The following TXNDC16 variants were observed in gnomAD, a reference collection of about 807,000 sequenced individuals.
TXNDC16 encodes the protein thioredoxin domain-containing protein 16.
A neutral mutation model predicts 85.6 loss-of-function variants in TXNDC16; 74 were observed. The ratio of observed to expected loss-of-function variants is 0.86; its 90% CI spans 0.72 to 1.05. The LOEUF (loss-of-function observed/expected upper bound fraction) is 1.05. Ranked by LOEUF, TXNDC16 falls within the 50% of genes least tolerant of loss-of-function variation. The pLI, the probability that TXNDC16 is intolerant of heterozygous loss-of-function variation, is 0.00. For synonymous variants in TXNDC16, 335 were observed against 326.5 expected, an observed-to-expected ratio of 1.03 and a Z score of -0.28; for missense variants, 959 against 947.0, an observed-to-expected ratio of 1.01 and a Z score of -0.17.
At chr14:52,495,321 C>A (rs995442905) in intron 9 of TXNDC16, among the ~76,000 whole-genome samples, 3 of 152,144 alleles carry the variant, frequency 2.0e-5, no homozygotes, top group African/African-American at 7.2e-5. Flanking sequence ...TTTTTATGGG[C>A]TTCTCCTCAG....
chr14:52,517,807 C>A (rs2037119888), intron 7 of TXNDC16, among the ~76,000 whole-genome samples: 1 of 152,152 alleles, frequency 6.6e-6, no homozygotes, highest in Non-Finnish European at 1.5e-5. Context: ...TCCATATATT[C>A]TTCCAGCCAG....
chr14:52,515,731 TATA>T (rs1325892142), intron 7 of TXNDC16, among the ~76,000 whole-genome samples: 88 of 151,486 alleles, frequency 5.8e-4, no homozygotes, highest in African/African-American at 2.1e-3. Flanking sequence ...ACTTAATATA[TATA>T]ATAAGAGTTT....
At chr14:52,536,073 G>T (rs1368504275) in intron 6 of TXNDC16, among the ~76,000 whole-genome samples, 2 of 151,848 alleles carry the variant, frequency 1.3e-5, no homozygotes, top group African/African-American at 4.8e-5. Flanking sequence ...TTCCTACCTG[G>T]TACTATGGTC....
chr14:52,453,084 C>A, intron 18 of TXNDC16, among the ~76,000 whole-genome samples: 1 of 152,156 alleles, frequency 6.6e-6, no homozygotes, highest in Admixed American at 6.5e-5. Context: ...TGAAAAGGTG[C>A]TCAACATCAT....
In TXNDC16 at chr14:52,439,149, A is replaced by G. The variant is rs537398672; in HGVS notation, c.2194+55T>C. 19 of 1,512,612 alleles carry G rather than the reference A, an allele frequency of 1.3e-5. No homozygotes were observed. In the East Asian group the frequency reaches 4.1e-4, roughly 33 times the overall value. 93.7% of individuals were successfully genotyped at this position (1,512,612 alleles called of 1,614,324 possible). On this transcript the variant is annotated intron_variant, in intron 20 of 20. Transcript: ENST00000281741. Reference sequence around the variant, plus strand: ...ATTCTTTAGCTATATTTAGAGTTTAACATTTATGGAACAAAATGCAGAACT... The same window carrying G: ...ATTCTTTAGCTATATTTAGAGTTTAGCATTTATGGAACAAAATGCAGAACT...
chr14:52,513,535 C>T (rs895924275), intron 8 of TXNDC16, among the ~76,000 whole-genome samples: 5 of 151,806 alleles, frequency 3.3e-5, no homozygotes, highest in African/African-American at 1.2e-4. Flanking sequence ...AAACGAAAAA[C>T]AGGATAAGAA....
At chr14:52,502,734 A>G (rs1194135549) in intron 9 of TXNDC16, among the ~76,000 whole-genome samples, 1 of 152,162 alleles carries the variant, frequency 6.6e-6, no homozygotes, top group African/African-American at 2.4e-5. Context: ...GGTGCAGGAC[A>G]GTCGGTACAG....
rs1255483336 is a variant in TXNDC16, at chr14:52,536,658, T to C, written c.392+61A>G. On this transcript the variant is annotated intron_variant, in intron 6 of 20. Coordinates refer to ENST00000281741, the MANE Select transcript of TXNDC16 (RefSeq NM_020784.3). ...AATATTTTAATGAATTGTGGTTATT[T>C]AAAATGAAATCAACAGATAAGTAAC... is the stretch of plus-strand genomic sequence containing the variant. The C allele has an allele frequency of 3.7e-6, 5 of 1,358,438 alleles. No homozygotes were observed. In the Admixed American group the frequency reaches 6.4e-5, roughly 17 times the overall value. The allele number at this position is 1,358,438 out of a possible 1,614,324, so 84.1% of individuals were successfully genotyped here. A position where few individuals can be genotyped will look rare whatever the true frequency, so the allele number is the denominator to read the frequency against.
At chr14:52,518,438 A>T (rs74050262) in intron 7 of TXNDC16, among the ~76,000 whole-genome samples, 2 of 152,118 alleles carry the variant, frequency 1.3e-5, no homozygotes, top group African/African-American at 4.8e-5. Context: ...AGCAAATTCA[A>T]CTTTCAAGTA....
chr14:52,438,362 G>C (rs566398665), intron 20 of TXNDC16, among the ~76,000 whole-genome samples: 1 of 152,290 alleles, frequency 6.6e-6, no homozygotes, highest in South Asian at 2.1e-4. Flanking sequence ...CTTATTGTAA[G>C]AAATTGCCAC....
chr14:52,525,864 T>A (rs974536702), intron 6 of TXNDC16, among the ~76,000 whole-genome samples: 2 of 151,912 alleles, frequency 1.3e-5, no homozygotes, highest in East Asian at 1.9e-4. Context: ...AAGTCCCATA[T>A]AAAATGGCAG....
chr14:52,490,300 ATT>A, intron 11 of TXNDC16, 89 bp downstream of exon 11: 2 of 895,200 alleles, frequency 2.2e-6, no homozygotes, highest in Non-Finnish European at 3.2e-6. Flanking sequence ...TAATTTACAG[ATT>A]TTTCTATAAT....
At chr14:52,471,510 A>C (rs1315681829) in intron 14 of TXNDC16, among the ~76,000 whole-genome samples, 1 of 152,178 alleles carries the variant, frequency 6.6e-6, no homozygotes, top group Non-Finnish European at 1.5e-5. Flanking sequence ...TGACACAGTG[A>C]TCTACATCAG....
chr14:52,506,159 G>A (rs1256877051), intron 9 of TXNDC16, among the ~76,000 whole-genome samples: 1 of 152,166 alleles, frequency 6.6e-6, no homozygotes, highest in South Asian at 2.1e-4. Context: ...GGAGGAGCTG[G>A]TACCATTGCT....
At chr14:52,547,620 C>T (rs2037966149) in intron 1 of TXNDC16, among the ~76,000 whole-genome samples, 1 of 152,180 alleles carries the variant, frequency 6.6e-6, no homozygotes, top group Non-Finnish European at 1.5e-5. Flanking sequence ...TAGATTGCTA[C>T]AATCTAGAGT....
At chr14:52,534,524 T>A (rs1359234665) in intron 6 of TXNDC16, among the ~76,000 whole-genome samples, 4 of 152,228 alleles carry the variant, frequency 2.6e-5, no homozygotes, top group Admixed American at 1.3e-4. Flanking sequence ...GGCTGCTGTA[T>A]GCCTTTGTCA....
intron 14 of TXNDC16, among the ~76,000 whole-genome samples, chr14:52,473,359 G>GT (rs1464920106): frequency 2.6e-5 from 4 of 152,114 alleles, no homozygotes; most frequent in African/African-American, 9.7e-5. Context: ...TTTATACAAA[G>GT]TGCCACGTTA....
chr14:52,496,906 C>G (rs538700495), intron 9 of TXNDC16, among the ~76,000 whole-genome samples: 1 of 152,022 alleles, frequency 6.6e-6, no homozygotes, highest in Admixed American at 6.6e-5. Flanking sequence ...CCACTGCACG[C>G]ACCCTAATTA....
At chr14:52,521,978 AGGTGGAAAGGT>A (rs1262048320) in intron 6 of TXNDC16, among the ~76,000 whole-genome samples, 1 of 152,220 alleles carries the variant, frequency 6.6e-6, no homozygotes, top group Non-Finnish European at 1.5e-5. Context: ...ATGGGAAACC[AGGTGGAAAGGT>A]GGCAACTAAA....
Sources: gnomAD v4.1 joint callset for allele counts (sites outside exome capture counted in the v4.1 genomes callset) on GRCh38, gnomAD v4.1.1 for gene constraint, MANE v1.5 for transcripts, NCBI Gene and HGNC (gene_info 2026-07-23, HGNC 2026-07-21) for gene names.